DTNA: variants seen among roughly 807,000 people sequenced by gnomAD.
DTNA encodes the protein dystrophin-related protein 3.
DTNA carries 43 observed loss-of-function variants against 100.7 expected under a neutral mutation model. The ratio of observed to expected loss-of-function variants is 0.43; its 90% CI spans 0.33 to 0.55. The LOEUF is 0.55. Ranked by LOEUF, DTNA falls within the 20% of genes least tolerant of loss-of-function variation. DTNA has a pLI of 0.04. For missense variants in DTNA, 798 were observed against 953.9 expected (o/e 0.84, Z 2.15); for synonymous variants, 349 against 347.9 (o/e 1.00, Z -0.04).
intron 1 of DTNA, among the ~76,000 whole-genome samples, chr18:34,560,968 A>G (rs2046583257): frequency 6.6e-6 from 1 of 152,178 alleles, no homozygotes; most frequent in Admixed American, 6.5e-5. Context: ...TCCATTAAAT[A>G]TTGACATTGA....
rs541655358 is a variant in DTNA, at chr18:34,516,395, A to G, written c.-2+22881A>G. Among the ~76,000 whole-genome samples the G allele has an allele frequency of 1.3e-3, 199 of 152,176 alleles. 1 individual carries two copies. Among genetic ancestry groups the G allele is most frequent in the Non-Finnish European group, 2.4e-3 (160 of 67,976 alleles). ...AAATTGGAATTGCTGATGAAGTTTC[A>G]TGTCCCACTGGGCACGCGTTATCAT... On this transcript the variant is annotated intron_variant, in intron 1 of 19. Coordinates refer to the DTNA transcript ENST00000283365.
intron 1 of DTNA, among the ~76,000 whole-genome samples, chr18:34,515,131 C>T (rs2041472911): frequency 6.6e-6 from 1 of 152,044 alleles, no homozygotes; most frequent in South Asian, 2.1e-4. Context: ...ACTCATTCCA[C>T]CTGACTTTCT....
At chr18:34,776,041 T>G (rs1269220672) in intron 3 of DTNA, among the ~76,000 whole-genome samples, 1 of 152,184 alleles carries the variant, frequency 6.6e-6, no homozygotes, top group Admixed American at 6.5e-5. Context: ...GGACATATAC[T>G]TTGTATAAAA....
intron 17 of DTNA, 56 bp downstream of exon 17, chr18:34,864,118 T>A: frequency 6.6e-7 from 1 of 1,511,728 alleles, no homozygotes; most frequent in Non-Finnish European, 9.0e-7. Flanking sequence ...TCTGTGAAAA[T>A]TTTTGCACAT....
chr18:34,533,236 G>T (rs962345950), intron 1 of DTNA, among the ~76,000 whole-genome samples: 1 of 151,938 alleles, frequency 6.6e-6, no homozygotes, highest in Non-Finnish European at 1.5e-5. Flanking sequence ...GCTGGGCATG[G>T]TGGCAGGCAC....
At chr18:34,753,768 A>G (rs2092575787) in intron 1 of DTNA, among the ~76,000 whole-genome samples, 1 of 152,126 alleles carries the variant, frequency 6.6e-6, no homozygotes, top group Non-Finnish European at 1.5e-5. Context: ...TATCTCTCTT[A>G]CTGCCTCAAG....
intron 22 of DTNA, among the ~76,000 whole-genome samples, chr18:34,885,990 G>A (rs367829848): frequency 6.6e-6 from 1 of 152,126 alleles, no homozygotes; most frequent in Non-Finnish European, 1.5e-5. Flanking sequence ...TGCCTCCATG[G>A]TAGTTCAAAG....
chr18:34,865,635 G>T (rs2096691391), intron 17 of DTNA, among the ~76,000 whole-genome samples: 1 of 152,140 alleles, frequency 6.6e-6, no homozygotes, highest in Non-Finnish European at 1.5e-5. Context: ...AATCTCATTT[G>T]ATAACCAAAA....
At chr18:34,562,107 AACTGTTGCTTT>A (rs1382788735) in intron 1 of DTNA, among the ~76,000 whole-genome samples, 1 of 152,184 alleles carries the variant, frequency 6.6e-6, no homozygotes, top group Non-Finnish European at 1.5e-5. Context: ...TGGAGCCATT[AACTGTTGCTTT>A]ACTGTCAAAG....
At chr18:34,782,750 C>T (rs1203708281) in intron 3 of DTNA, among the ~76,000 whole-genome samples, 1 of 152,180 alleles carries the variant, frequency 6.6e-6, no homozygotes, top group Non-Finnish European at 1.5e-5. Flanking sequence ...GATGGGACTA[C>T]AGACTAGTAG....
At chr18:34,596,503 GCTA>G (rs2050635449) in intron 1 of DTNA, among the ~76,000 whole-genome samples, 1 of 152,162 alleles carries the variant, frequency 6.6e-6, no homozygotes, top group South Asian at 2.1e-4. Context: ...ACAGGCATGA[GCTA>G]CCATGCCCAG....
At chr18:34,686,292 T>G (rs2078890603) in intron 1 of DTNA, among the ~76,000 whole-genome samples, 1 of 152,204 alleles carries the variant, frequency 6.6e-6, no homozygotes. Flanking sequence ...AAATAGCTCT[T>G]ATTATTTTGA....
chr18:34,772,900 A>G (rs1296136247), intron 3 of DTNA, among the ~76,000 whole-genome samples: 1 of 152,196 alleles, frequency 6.6e-6, no homozygotes, highest in Non-Finnish European at 1.5e-5. Context: ...AAGTGCATTC[A>G]TTGTGGGAAA....
chr18:34,519,830 G>T (rs2041993248), intron 1 of DTNA, among the ~76,000 whole-genome samples: 1 of 152,098 alleles, frequency 6.6e-6, no homozygotes, highest in Admixed American at 6.6e-5. Flanking sequence ...TTAAAGTTAA[G>T]AACACTGTGA....
intron 6 of DTNA, among the ~76,000 whole-genome samples, chr18:34,814,173 T>C (rs2095546669): frequency 1.3e-5 from 2 of 152,218 alleles, no homozygotes; most frequent in South Asian, 4.1e-4. Flanking sequence ...GCACTTTCAG[T>C]TCATATTTAC....
intron 1 of DTNA, among the ~76,000 whole-genome samples, chr18:34,701,004 T>C (rs2081290905): frequency 6.6e-6 from 1 of 152,158 alleles, no homozygotes; most frequent in African/African-American, 2.4e-5. Context: ...TTTCACCCTC[T>C]TAAGGACTGA....
At chr18:34,603,242 T>C (rs964957242) in intron 1 of DTNA, among the ~76,000 whole-genome samples, 6 of 151,000 alleles carry the variant, frequency 4.0e-5, no homozygotes, top group Non-Finnish European at 7.4e-5. Context: ...GAAAAAAAAA[T>C]CCCATTTAAA....
At chr18:34,873,212 T>C (rs1266995463) in intron 17 of DTNA, among the ~76,000 whole-genome samples, 1 of 152,230 alleles carries the variant, frequency 6.6e-6, no homozygotes, top group African/African-American at 2.4e-5. Flanking sequence ...TATATTATTA[T>C]TGTGAACTTC....
At chr18:34,500,873 T>A (rs1038114503) in intron 1 of DTNA, among the ~76,000 whole-genome samples, 3 of 152,188 alleles carry the variant, frequency 2.0e-5, no homozygotes, top group Non-Finnish European at 2.9e-5. Context: ...ACTAACAGAT[T>A]AGCTATGTAG....
Sources: gnomAD v4.1 joint callset for allele counts (sites outside exome capture counted in the v4.1 genomes callset) on GRCh38, gnomAD v4.1.1 for gene constraint, MANE v1.5 for transcripts, NCBI Gene and HGNC (gene_info 2026-07-23, HGNC 2026-07-21) for gene names.